The following ABTB3 variants were observed in gnomAD, a reference collection of about 807,000 sequenced individuals.
The protein encoded by ABTB3 is ankyrin repeat and BTB domain containing 3.
chr12:107,482,892 TTCTCTCTC>T, the ABTB3 span, among the ~76,000 whole-genome samples: 1 of 142,186 alleles, frequency 7.0e-6, no homozygotes, highest in Non-Finnish European at 1.6e-5. Flanking sequence ...TCTTCTCTCG[TTCTCTCTC>T]TCTCTCTTTC....
the ABTB3 span, among the ~76,000 whole-genome samples, chr12:107,585,256 T>C: frequency 1.3e-5 from 2 of 152,174 alleles, no homozygotes; most frequent in East Asian, 3.9e-4. Flanking sequence ...AGCCACGAGT[T>C]TATTCCAGAA....
At chr12:107,382,473 G>A in the ABTB3 span, among the ~76,000 whole-genome samples, 1 of 152,314 alleles carries the variant, frequency 6.6e-6, no homozygotes, top group East Asian at 1.9e-4. Context: ...TATTATTGGT[G>A]TATAGGAATG....
chr12:107,635,162 TCTC>T, the ABTB3 span: 3 of 778,696 alleles, frequency 3.9e-6, no homozygotes, highest in Non-Finnish European at 4.1e-6. Flanking sequence ...CCAGGGGATT[TCTC>T]CTGTGGCCTG....
the ABTB3 span, among the ~76,000 whole-genome samples, chr12:107,468,689 A>G: frequency 2.6e-5 from 4 of 152,262 alleles, no homozygotes; most frequent in South Asian, 4.2e-4. Flanking sequence ...TGTGTTAGGC[A>G]GTGTTTTGGG....
the ABTB3 span, among the ~76,000 whole-genome samples, chr12:107,433,294 C>G: frequency 1.5e-5 from 1 of 66,466 alleles, no homozygotes. Flanking sequence ...GAGACTCCGT[C>G]TCAAAAAAAA....
At chr12:107,360,443 C>T in the ABTB3 span, among the ~76,000 whole-genome samples, 1 of 152,078 alleles carries the variant, frequency 6.6e-6, no homozygotes, top group African/African-American at 2.4e-5. Flanking sequence ...AGCGAAGACC[C>T]CAAAATCCCA....
the ABTB3 span, among the ~76,000 whole-genome samples, chr12:107,495,318 C>T: frequency 3.9e-5 from 6 of 152,220 alleles, no homozygotes; most frequent in African/African-American, 1.2e-4. Context: ...GGTGTTCCCG[C>T]GTTCGTGTGC....
the ABTB3 span, chr12:107,657,493 T>C: frequency 6.2e-7 from 1 of 1,611,008 alleles, no homozygotes; most frequent in Non-Finnish European, 8.5e-7. Flanking sequence ...TCCCATTTCC[T>C]CTCCACTCTC....
chr12:107,366,350 T>A, the ABTB3 span, among the ~76,000 whole-genome samples: 1 of 152,168 alleles, frequency 6.6e-6, no homozygotes, highest in Admixed American at 6.5e-5. Context: ...CTCCTGAGAA[T>A]AGAAGACTGA....
At chr12:107,337,169 C>T in the ABTB3 span, among the ~76,000 whole-genome samples, 3 of 152,242 alleles carry the variant, frequency 2.0e-5, no homozygotes, top group Non-Finnish European at 4.4e-5. Context: ...ATTCTCCGGG[C>T]GCAGCCCCGC....
the ABTB3 span, among the ~76,000 whole-genome samples, chr12:107,347,949 TGGAG>T: frequency 3.3e-5 from 5 of 151,830 alleles, no homozygotes; most frequent in Non-Finnish European, 7.4e-5. Context: ...AGCCCAGAGA[TGGAG>T]GAACAGGCTT....
At chr12:107,581,084 C>A in the ABTB3 span, 1 of 1,545,046 alleles carries the variant, frequency 6.5e-7, no homozygotes, top group Non-Finnish European at 8.7e-7. Context: ...GGGGGTGGGG[C>A]CAAGCCGGCA....
At chr12:107,570,324 C>A in the ABTB3 span, among the ~76,000 whole-genome samples, 1 of 152,184 alleles carries the variant, frequency 6.6e-6, no homozygotes, top group Non-Finnish European at 1.5e-5. Context: ...AAGCGATTCT[C>A]GTGCCTCAGC....
the ABTB3 span, among the ~76,000 whole-genome samples, chr12:107,483,376 G>C: frequency 6.6e-6 from 1 of 152,152 alleles, no homozygotes; most frequent in African/African-American, 2.4e-5. Context: ...TAGTTTTCCT[G>C]TAGGGAATAT....
the ABTB3 span, among the ~76,000 whole-genome samples, chr12:107,438,153 C>T: frequency 3.3e-5 from 5 of 152,090 alleles, no homozygotes; most frequent in African/African-American, 9.7e-5. Context: ...ATCGAGTCAC[C>T]CCTGTGTCTC....
chr12:107,516,756 T>A, the ABTB3 span, among the ~76,000 whole-genome samples: 35 of 152,148 alleles, frequency 2.3e-4, no homozygotes, highest in African/African-American at 8.0e-4. Flanking sequence ...TGCTGAGGCC[T>A]TGTGGTTCAG....
At chr12:107,636,242 C>G in the ABTB3 span, among the ~76,000 whole-genome samples, 1 of 152,274 alleles carries the variant, frequency 6.6e-6, no homozygotes, top group East Asian at 1.9e-4. Context: ...GATCCTGGGG[C>G]TGTTGCAACC....
At chr12:107,608,985 TA>T in the ABTB3 span, among the ~76,000 whole-genome samples, 10,209 of 133,076 alleles carry the variant, frequency 0.077, 635 homozygotes, top group African/African-American at 0.11. Context: ...TAAAATAAAA[TA>T]AAATAAAATA....
At chr12:107,609,687 T>C in the ABTB3 span, among the ~76,000 whole-genome samples, 25 of 152,142 alleles carry the variant, frequency 1.6e-4, 1 homozygote, top group East Asian at 4.6e-3. Flanking sequence ...AACAGGCAAA[T>C]AGTTAAGTCC....
Sources: gnomAD v4.1 joint callset for allele counts (sites outside exome capture counted in the v4.1 genomes callset) on GRCh38, gnomAD v4.1.1 for gene constraint, MANE v1.5 for transcripts, NCBI Gene and HGNC (gene_info 2026-07-23, HGNC 2026-07-21) for gene names.